SOD2: variants seen among roughly 807,000 people sequenced by gnomAD.
The protein encoded by SOD2 is superoxide dismutase 2, also known as superoxide dismutase [Mn], mitochondrial.
SOD2 carries 11 observed loss-of-function variants against 27.0 expected under a neutral mutation model. The observed-to-expected ratio is 0.41, with a 90% CI of 0.26 to 0.67. The LOEUF is 0.67. SOD2 is among the 30% of genes least tolerant of loss of function. SOD2 has a pLI of 0.34. For synonymous variants in SOD2, 105 were observed against 103.0 expected, an observed-to-expected ratio of 1.02 and a Z score of -0.12; for missense variants, 250 against 274.5, an observed-to-expected ratio of 0.91 and a Z score of 0.63.
At chr6:159,747,660 T>A (rs538893060), upstream of SOD2, among the ~76,000 whole-genome samples, 2 of 152,346 alleles carry the variant, frequency 1.3e-5, no homozygotes, top group South Asian at 2.1e-4. Flanking sequence ...ATAGAATAAT[T>A]TCCACAGGTA....
At chr6:159,720,626 T>A (rs1420011993) in intron 1 of SOD2, 2 of 152,242 alleles carry the variant, frequency 1.3e-5, no homozygotes, top group Admixed American at 6.5e-5. Flanking sequence ...GACTATAGTA[T>A]GCCTAACTCA....
At chr6:159,745,222 C>T (rs752819569), upstream of SOD2, 1 of 152,170 alleles carries the variant, frequency 6.6e-6, no homozygotes, top group South Asian at 2.1e-4. Context: ...TTCCATTTCT[C>T]TTCCGGATTC....
intron 1 of SOD2, among the ~76,000 whole-genome samples, chr6:159,708,288 G>GA (rs1045743383): frequency 4.6e-5 from 7 of 152,172 alleles, no homozygotes; most frequent in Non-Finnish European, 1.0e-4. Context: ...GCAGGAGAAA[G>GA]AAATAAAGGG....
intron 1 of SOD2, among the ~76,000 whole-genome samples, chr6:159,756,934 G>A (rs1338050228): frequency 6.6e-6 from 1 of 152,016 alleles, no homozygotes; most frequent in African/African-American, 2.4e-5. Context: ...AAGCAGCGTT[G>A]GTTTTTTGTG....
At chr6:159,688,387 C>G in intron 2 of SOD2, 145 bp from the exon 3 acceptor site, 1 of 590,804 alleles carries the variant, frequency 1.7e-6, no homozygotes, top group Non-Finnish European at 3.0e-6. Flanking sequence ...CAGCACCCCC[C>G]CGCCCCAAAA....
chr6:159,726,906 C>G, intron 1 of SOD2: 1 of 1,289,020 alleles, frequency 7.8e-7, no homozygotes, highest in African/African-American at 1.5e-5. Context: ...CGGCCTCTCT[C>G]TTGAGGTGGC....
At chr6:159,758,771 G>A (rs1352864496) in intron 1 of SOD2, among the ~76,000 whole-genome samples, 2 of 152,174 alleles carry the variant, frequency 1.3e-5, no homozygotes, top group African/African-American at 4.8e-5. Flanking sequence ...TTCCCCTCAT[G>A]GAGACCAAGG....
chr6:159,727,777 C>G, upstream of SOD2: 1 of 966,592 alleles, frequency 1.0e-6, no homozygotes, highest in South Asian at 4.8e-5. Context: ...CAGCCGCCCC[C>G]GGCGGGTAAG....
rs1037726793 is a variant in SOD2 at position 159,679,689 on chromosome 6, C to G, written c.*2804G>C. On this transcript the variant is annotated 3_prime_UTR_variant, in exon 5 of 5. Coordinates refer to ENST00000538183, the MANE Select transcript of SOD2 (RefSeq NM_000636.4). ...AGCACAGCTATGACTAGGGCAGGCA[C>G]TGCTGATTCAGTCACAAAAACCCTT... The G allele has an allele frequency of 6.6e-6, 1 of 152,258 alleles. No individual in the cohort carries two copies. The highest frequency in any genetic ancestry group is 1.9e-4 in the East Asian group (1 of 5,204). 9.4% of individuals were successfully genotyped at this position (152,258 alleles called of 1,614,324 possible).
chr6:159,761,839 C>T (rs1289872590), exon 1 of SOD2: 5 of 219,300 alleles, frequency 2.3e-5, no homozygotes, highest in Admixed American at 1.2e-4. Flanking sequence ...TCACTTCCGC[C>T]CCGCGCCCCG....
rs1296796042 is a variant in SOD2, at chr6:159,671,423, T to C, written c.*11070A>G. On this transcript the variant is annotated 3_prime_UTR_variant, in exon 5 of 5. Transcript: ENST00000538183. ...CCAGAGGAATGATCAGGCAGCAACATTTGCTGTTCAGCAATATTCGCTGTT... is the reference window on the plus strand; with the variant it reads ...CCAGAGGAATGATCAGGCAGCAACACTTGCTGTTCAGCAATATTCGCTGTT... 1 of 152,276 alleles carries C rather than the reference T, an allele frequency of 6.6e-6. No homozygotes were observed. The highest frequency in any genetic ancestry group is 1.5e-5 in the Non-Finnish European group (1 of 68,114). The allele number at this position is 152,276 out of a possible 1,614,324, so 9.4% of individuals were successfully genotyped here. A position where few individuals can be genotyped will look rare whatever the true frequency, so the allele number is the denominator to read the frequency against.
chr6:159,740,483 G>A (rs1381308680), intron 1 of SOD2, among the ~76,000 whole-genome samples: 2 of 152,020 alleles, frequency 1.3e-5, no homozygotes, highest in East Asian at 1.9e-4. Flanking sequence ...TGATATACAT[G>A]TTCTTGCTTC....
chr6:159,713,005 A>G, intron 1 of SOD2: 1 of 637,438 alleles, frequency 1.6e-6, no homozygotes, highest in Non-Finnish European at 2.9e-6. Context: ...CAAACTCAAC[A>G]TCTGCCCTAC....
chr6:159,761,950 G>A (rs749148011), exon 1 of SOD2: 2 of 1,007,906 alleles, frequency 2.0e-6, no homozygotes, highest in South Asian at 2.7e-5. Flanking sequence ...GGGATGCGCG[G>A]GGAGGTGGTG....
intron 1 of SOD2, chr6:159,736,701 CTACTT>C (rs1382170342): frequency 1.3e-5 from 2 of 154,346 alleles, no homozygotes; most frequent in African/African-American, 4.8e-5. Flanking sequence ...TAATTAAAAA[CTACTT>C]TATTAAAAAA....
At chr6:159,718,771 T>A (rs985574101) in intron 1 of SOD2, among the ~76,000 whole-genome samples, 2 of 152,162 alleles carry the variant, frequency 1.3e-5, no homozygotes, top group African/African-American at 4.8e-5. Context: ...ATAAATAATG[T>A]GTCTTAGGCT....
intron 1 of SOD2, among the ~76,000 whole-genome samples, chr6:159,703,655 A>C (rs934736468): frequency 1.3e-5 from 2 of 152,216 alleles, no homozygotes; most frequent in Admixed American, 1.3e-4. Context: ...CAAACATGCC[A>C]AATGTTTTCA....
In SOD2 at chr6:159,670,450, A is replaced by T. The variant is rs1021019436; in HGVS notation, c.*12043T>A. On this transcript the variant is annotated 3_prime_UTR_variant, in exon 5 of 5. Transcript: ENST00000538183. Reference sequence around the variant, plus strand: ...CCAGTGAAGAATGGTGGCAGCTGTAAGCACTACCAGCAAGTATACCCTACT... The same window carrying T: ...CCAGTGAAGAATGGTGGCAGCTGTATGCACTACCAGCAAGTATACCCTACT... The T allele has an allele frequency of 4.6e-5, 7 of 152,240 alleles. No homozygotes were observed. Among genetic ancestry groups the T allele is most frequent in the African/African-American group, 1.7e-4 (7 of 41,456 alleles). The allele number at this position is 152,240 out of a possible 1,614,324, so 9.4% of individuals were successfully genotyped here.
intron 2 of SOD2, chr6:159,691,575 T>C (rs567710709): frequency 2.0e-5 from 3 of 152,328 alleles, no homozygotes; most frequent in East Asian, 1.9e-4. Context: ...TGACTATCGA[T>C]TATCTTCCTT....
Sources: allele counts gnomAD v4.1 joint callset (sites outside exome capture counted in the v4.1 genomes callset), GRCh38; gene constraint gnomAD v4.1.1; transcripts MANE v1.5; gene names NCBI Gene and HGNC (gene_info 2026-07-23, HGNC 2026-07-21).